SIM1: variants seen among roughly 807,000 people sequenced by gnomAD.
The protein encoded by SIM1 is SIM bHLH transcription factor 1, also known as single-minded homolog 1.
In SIM1, 18 loss-of-function variants were observed where a neutral mutation model predicts 78.2. The observed-to-expected ratio is 0.23, with a 90% CI of 0.16 to 0.34. The LOEUF (loss-of-function observed/expected upper bound fraction) is 0.34, where lower values mean the gene tolerates loss of function less well. Ranked by LOEUF, SIM1 falls within the 10% of genes least tolerant of loss-of-function variation. The probability of loss-of-function intolerance (pLI) is 1.00; values close to 1 mark genes in which losing one functional copy is unlikely to be tolerated. For missense variants in SIM1, 939 were observed against 975.1 expected (o/e 0.96, Z 0.49); for synonymous variants, 417 against 385.2 (o/e 1.08, Z -0.97).
At chr6:100,457,784 C>A (rs1309118309) in intron 2 of SIM1, among the ~76,000 whole-genome samples, 3 of 152,190 alleles carry the variant, frequency 2.0e-5, no homozygotes, top group South Asian at 2.1e-4. Flanking sequence ...GGCTAAGGAG[C>A]CTGTGTGGTT....
intron 10 of SIM1, among the ~76,000 whole-genome samples, chr6:100,412,057 G>T (rs1301798747): frequency 6.6e-6 from 1 of 152,072 alleles, no homozygotes; most frequent in African/African-American, 2.4e-5. Flanking sequence ...CTAGGGCAGT[G>T]GTGGGTCTCC....
Position 100,390,465 on chromosome 6 carries a change from C to T in SIM1, c.2197G>A (p.Gly733Ser), listed in dbSNP as rs779040289. 6.2e-7 allele frequency: 1 copy of T among 1,614,020 alleles called. No individual in the cohort carries two copies. The highest frequency in any genetic ancestry group is 2.2e-5 in the East Asian group (1 of 44,876). The change falls in exon 12 of 12, where the codon GGC becomes AGC. Residue 733 changes from glycine to serine, a missense_variant. Physicochemically the swap from Gly to Ser is moderately conservative, Grantham distance 56 (BLOSUM62 0). Transcript: ENST00000369208. ...DSETIRNYSL[G>S]CNGSHFDVTS... ...ACATCAAAGTGTGAGCCATTACAGC[C>T]CAAGGAATAGTTTCTAATGGTTTCG... is the stretch of plus-strand genomic sequence containing the variant.
Position 100,448,621 on chromosome 6 carries a change from A to AGGG in SIM1, c.598_600dup (p.Pro200dup), listed in dbSNP as rs1279196669. 1 of 1,613,828 alleles carries AGGG rather than the reference A, an allele frequency of 6.2e-7. No homozygotes were observed. The highest frequency in any genetic ancestry group is 1.3e-5 in the African/African-American group (1 of 74,934). The stretch of plus-strand genomic sequence containing the variant: ...CCCACGTTTTGGTAGCAGCCGTCGA[A>AGGG]GGGGGACATGTCCAGGCTGTACTGG... On this transcript the variant is annotated inframe_insertion, in exon 7 of 12. Transcript: ENST00000369208.
chr6:100,401,431 T>C (rs937683554), intron 10 of SIM1, among the ~76,000 whole-genome samples: 5 of 152,126 alleles, frequency 3.3e-5, no homozygotes, highest in African/African-American at 1.2e-4. Context: ...AAAAAGCATC[T>C]TATGAATGTT....
At chr6:100,428,694 A>G (rs1179594354) in intron 9 of SIM1, among the ~76,000 whole-genome samples, 1 of 151,912 alleles carries the variant, frequency 6.6e-6, no homozygotes, top group Non-Finnish European at 1.5e-5. Context: ...ACATTCTAAG[A>G]CCCCTAGTGG....
At chr6:100,423,393 G>T (rs1477410022) in intron 9 of SIM1, among the ~76,000 whole-genome samples, 1 of 152,148 alleles carries the variant, frequency 6.6e-6, no homozygotes, top group Non-Finnish European at 1.5e-5. Flanking sequence ...ATGGGGCCCT[G>T]TTCTGGGGGC....
chr6:100,403,142 A>C (rs1416276233), intron 10 of SIM1, among the ~76,000 whole-genome samples: 1 of 152,182 alleles, frequency 6.6e-6, no homozygotes, highest in Non-Finnish European at 1.5e-5. Flanking sequence ...TTTAAGTTTT[A>C]GTTTTCAAAA....
chr6:100,441,705 T>C (rs1020096786), intron 9 of SIM1, among the ~76,000 whole-genome samples: 2 of 152,182 alleles, frequency 1.3e-5, no homozygotes, highest in South Asian at 2.1e-4. Context: ...GTGAAACTTA[T>C]GGGGAAAAAA....
chr6:100,431,878 G>C (rs565248399), intron 9 of SIM1, among the ~76,000 whole-genome samples: 22 of 152,276 alleles, frequency 1.4e-4, no homozygotes, highest in Admixed American at 5.2e-4. Flanking sequence ...GATAATAGTA[G>C]GGCTGGATGA....
At chr6:100,429,042 T>C (rs1771819937) in intron 9 of SIM1, among the ~76,000 whole-genome samples, 1 of 152,140 alleles carries the variant, frequency 6.6e-6, no homozygotes, top group Non-Finnish European at 1.5e-5. Flanking sequence ...TGGGAATATA[T>C]CTTATAAAAA....
In SIM1 at chr6:100,463,369, T is replaced by C; in HGVS notation, c.100A>G (p.Thr34Ala). Residue 34 changes from threonine to alanine, a missense_variant, in exon 2 of 12, where the codon ACC becomes GCC. Thr to Ala is a moderately conservative substitution (Grantham distance 58). Around this residue, in one of 5 missense-constraint regions of SIM1, gnomAD observed 121 missense variants for 124.6 expected, o/e 0.97. Coordinates refer to ENST00000369208, the MANE Select transcript of SIM1 (RefSeq NM_005068.3). ...AKLLPLPSAI[T>A]SQLDKASIIR... ...ATGGATGCTTTGTCCAGCTGCGAGG[T>C]GATAGCCGAGGGCAAAGGCAGTAAT... The C allele has an allele frequency of 6.2e-7, 1 of 1,614,038 alleles. No individual in the cohort carries two copies. Among genetic ancestry groups the C allele is most frequent in the Non-Finnish European group, 8.5e-7 (1 of 1,179,984 alleles).
At chr6:100,404,070 A>C (rs1770994529) in intron 10 of SIM1, among the ~76,000 whole-genome samples, 1 of 152,188 alleles carries the variant, frequency 6.6e-6, no homozygotes, top group Non-Finnish European at 1.5e-5. Context: ...TCTTTTTACA[A>C]AGGGGACTTT....
rs77342605 is a variant in SIM1 at position 100,408,206 on chromosome 6, T to C, written c.1167+12584A>G. The stretch of plus-strand genomic sequence containing the variant: ...CCAGCACAATTTATTGAAAAAACTC[T>C]TTTCCCCATTTTGCATTCTTGGCAT... On this transcript the variant is annotated intron_variant, in intron 10 of 11. Coordinates refer to ENST00000369208, the MANE Select transcript of SIM1 (RefSeq NM_005068.3). 8.2e-3 allele frequency among the ~76,000 whole-genome samples: 1,241 copies of C among 152,230 alleles called. 17 individuals are homozygous for C. Among genetic ancestry groups the C allele is most frequent in the African/African-American group, 0.029 (1,186 of 41,576 alleles).
intron 9 of SIM1, among the ~76,000 whole-genome samples, chr6:100,423,548 T>G (rs1231589235): frequency 6.6e-6 from 1 of 152,226 alleles, no homozygotes; most frequent in Non-Finnish European, 1.5e-5. Flanking sequence ...TGTCTTATCT[T>G]TCTCAGTGGA....
intron 9 of SIM1, among the ~76,000 whole-genome samples, chr6:100,439,824 A>G (rs1316072456): frequency 1.3e-5 from 2 of 152,170 alleles, no homozygotes; most frequent in African/African-American, 2.4e-5. Flanking sequence ...TAGCACAAAG[A>G]AAGTGCTCAA....
At chr6:100,441,783 T>C (rs1200430815) in intron 9 of SIM1, among the ~76,000 whole-genome samples, 1 of 152,200 alleles carries the variant, frequency 6.6e-6, no homozygotes, top group East Asian at 1.9e-4. Flanking sequence ...AAAATGTCAA[T>C]ATCTGCGCAC....
Position 100,386,780 on chromosome 6 carries a change from C to A in SIM1, c.*3581G>T, listed in dbSNP as rs966613759. ...GGTTTTTCTGTGTAAATACTGAAGG[C>A]AATCATTTATTGCATCCCGTCTCAT... On this transcript the variant is annotated 3_prime_UTR_variant, in exon 12 of 12. Transcript: ENST00000369208. 7 of 151,974 alleles carry A rather than the reference C, an allele frequency of 4.6e-5. No homozygotes were observed. Among genetic ancestry groups the A allele is most frequent in the African/African-American group, 1.7e-4 (7 of 41,394 alleles). 9.4% of individuals were successfully genotyped at this position (151,974 alleles called of 1,614,324 possible).
rs777517343 is a variant in SIM1 at position 100,449,643 on chromosome 6, C to T, written c.405G>A (p.Glu135=). The T allele has an allele frequency of 2.2e-5, 35 of 1,614,032 alleles. No individual in the cohort carries two copies. The East Asian group carries it at 6.9e-4, about 32-fold the overall frequency. ...YEYIHPADHD[E]MTAVLTAHQP... is the part of the protein sequence containing the mutation. ...GATGGGCGGTGAGCACCGCCGTCAT[C>T]TCGTCGTGGTCTGCCGGGTGAATGT... The change falls in exon 5 of 12, where the codon GAG becomes GAA. Residue 135 remains glutamate, a synonymous_variant. Transcript: ENST00000369208.
intron 11 of SIM1, 111 bp from the exon 12 acceptor site, chr6:100,391,202 C>T (rs1025153630): frequency 3.2e-5 from 38 of 1,190,954 alleles, no homozygotes; most frequent in Non-Finnish European, 4.2e-5. Flanking sequence ...TTAATATATG[C>T]ACCAATATTT....
Sources: gnomAD v4.1 joint callset for allele counts (sites outside exome capture counted in the v4.1 genomes callset) on GRCh38, gnomAD v4.1.1 for gene constraint, gnomAD v4.1.1 regional missense constraint, MANE v1.5 for transcripts, NCBI Gene and HGNC (gene_info 2026-07-23, HGNC 2026-07-21) for gene names.